Variants in VPS35L observed in about 807,000 individuals in gnomAD.
VPS35L encodes the protein VPS35 endosomal protein-sorting factor-like.
VPS35L carries 83 observed loss-of-function variants against 133.0 expected under a neutral mutation model. That is an observed-to-expected ratio of 0.62 (90% confidence interval 0.52 to 0.75). The LOEUF is 0.75. Ranked by LOEUF, VPS35L falls within the 30% of genes least tolerant of loss-of-function variation. The pLI, the probability that VPS35L is intolerant of heterozygous loss-of-function variation, is 0.00. For synonymous variants in VPS35L, 423 were observed against 449.9 expected (o/e 0.94, Z 0.76); for missense variants, 1,083 against 1,206.8 (o/e 0.90, Z 1.52).
At chr16:19,681,389 C>T (rs1040305246) in intron 27 of VPS35L, among the ~76,000 whole-genome samples, 19 of 151,952 alleles carry the variant, frequency 1.3e-4, no homozygotes, top group Admixed American at 9.8e-4. Flanking sequence ...CATGCTGTTC[C>T]CCCTGCCGCT....
intron 3 of VPS35L, among the ~76,000 whole-genome samples, chr16:19,570,631 C>T (rs1298658195): frequency 6.6e-6 from 1 of 151,508 alleles, no homozygotes. Context: ...ATAATTACAG[C>T]ATCAACTTAC....
chr16:19,580,985 T>C (rs1022651425), intron 6 of VPS35L, among the ~76,000 whole-genome samples: 7 of 152,204 alleles, frequency 4.6e-5, no homozygotes, highest in African/African-American at 1.7e-4. Context: ...AGATCCAGTA[T>C]ATGTGTCCCC....
intron 27 of VPS35L, among the ~76,000 whole-genome samples, chr16:19,679,149 G>C (rs929885747): frequency 7.0e-6 from 1 of 142,078 alleles, no homozygotes; most frequent in Non-Finnish European, 1.6e-5. Context: ...GGGCGGGGGT[G>C]GGGAGGCGGG....
rs113115577 is a variant in VPS35L, at chr16:19,596,912, G to A, written c.725-4752G>A. Among the ~76,000 whole-genome samples, 150 of 152,054 alleles carry A rather than the reference G, an allele frequency of 9.9e-4. 1 individual carries two copies. The highest frequency in any genetic ancestry group is 3.1e-3 in the African/African-American group (129 of 41,468). On this transcript the variant is annotated intron_variant, in intron 8 of 30. Coordinates refer to ENST00000417362, the MANE Select transcript of VPS35L (RefSeq NM_020314.7). ...TACGCGCCTGTAATCCCAGCTACTCGGGAGGCTTAGGTGGGGGAATTGCTT... is the reference window on the plus strand; with the variant it reads ...TACGCGCCTGTAATCCCAGCTACTCAGGAGGCTTAGGTGGGGGAATTGCTT...
At chr16:19,651,023 C>T (rs1053020882) in intron 25 of VPS35L, among the ~76,000 whole-genome samples, 22 of 151,830 alleles carry the variant, frequency 1.4e-4, no homozygotes, top group Admixed American at 9.9e-4. Context: ...GGATTACAGA[C>T]GCGTGCCACC....
chr16:19,645,790 G>A (rs567860126), intron 23 of VPS35L, among the ~76,000 whole-genome samples: 10 of 152,322 alleles, frequency 6.6e-5, no homozygotes, highest in Admixed American at 5.9e-4. Flanking sequence ...CAGGAGGGCC[G>A]AGAGTGGAAA....
intron 1 of VPS35L, among the ~76,000 whole-genome samples, chr16:19,558,361 A>T (rs918262178): frequency 3.9e-5 from 6 of 152,236 alleles, no homozygotes; most frequent in Admixed American, 3.9e-4. Flanking sequence ...TAGCCCCACA[A>T]GGGATAGCTG....
In VPS35L at chr16:19,616,766, C is replaced by T. The variant is rs35634311; in HGVS notation, c.1182C>T (p.Ala394=). 3.7e-3 allele frequency: 5,924 copies of T among 1,614,136 alleles called. 233 individuals are homozygous for T. The African/African-American group carries it at 0.072, about 19-fold the overall frequency. The change falls in exon 14 of 31, where the codon GCC becomes GCT. Residue 394 remains alanine, a synonymous_variant. Transcript: ENST00000417362. ...CTTACCTCCCCTTGTACCCGCCTGC[C>T]ATGGACTGGATCTTCCAGTGCATCT... The part of the protein sequence containing the change: ...LPSYLPLYPP[A]MDWIFQCISY...
chr16:19,599,695 G>A (rs565189575), intron 8 of VPS35L, among the ~76,000 whole-genome samples: 55 of 152,008 alleles, frequency 3.6e-4, no homozygotes, highest in Non-Finnish European at 5.4e-4. Context: ...TAGCTCTAAG[G>A]TGGGCACCAG....
At chr16:19,575,183 T>A in intron 5 of VPS35L, 61 bp downstream of exon 5, 1 of 1,520,190 alleles carries the variant, frequency 6.6e-7, no homozygotes, top group Non-Finnish European at 9.0e-7. Context: ...AGTATAATTT[T>A]ACAAAGGAAA....
At chr16:19,625,862 C>T (rs761232036) in intron 14 of VPS35L, among the ~76,000 whole-genome samples, 6 of 152,044 alleles carry the variant, frequency 3.9e-5, no homozygotes, top group Non-Finnish European at 5.9e-5. Context: ...TTAGTGGAGA[C>T]GGGGTTTTAC....
In VPS35L at chr16:19,676,982, C is replaced by T. The variant is rs75503951; in HGVS notation, c.2362-5243C>T. 3.8e-3 allele frequency among the ~76,000 whole-genome samples: 584 copies of T among 151,982 alleles called. 3 individuals are homozygous for T. The highest frequency in any genetic ancestry group is 7.5e-3 in the South Asian group (36 of 4,796). On this transcript the variant is annotated intron_variant, in intron 27 of 30. Coordinates refer to ENST00000417362, the MANE Select transcript of VPS35L (RefSeq NM_020314.7). The stretch of plus-strand genomic sequence containing the variant: ...CTTCCAGCTTCTCAGGAGGCTGAGG[C>T]GGAAGGATTGCTTGAGGCCAGGAGT...
chr16:19,576,921 GGT>G (rs1204409538), intron 5 of VPS35L, among the ~76,000 whole-genome samples: 1 of 152,002 alleles, frequency 6.6e-6, no homozygotes, highest in Non-Finnish European at 1.5e-5. Context: ...TGGCCAGGCT[GGT>G]CTCAAACTCT....
chr16:19,573,930 G>T (rs1411415913), intron 4 of VPS35L, among the ~76,000 whole-genome samples: 2 of 152,166 alleles, frequency 1.3e-5, no homozygotes, highest in African/African-American at 4.8e-5. Context: ...CCTGGAGCTG[G>T]AAATTTACTA....
intron 7 of VPS35L, among the ~76,000 whole-genome samples, chr16:19,590,155 C>CCCCCCCA (rs1972001433): frequency 1.1e-5 from 1 of 94,190 alleles, no homozygotes; most frequent in Non-Finnish European, 2.1e-5. Flanking sequence ...CCCCCCCCCC[C>CCCCCCCA]CACAAATAAC....
intron 26 of VPS35L, among the ~76,000 whole-genome samples, chr16:19,665,255 A>G (rs1275527259): frequency 6.6e-6 from 1 of 152,142 alleles, no homozygotes. Flanking sequence ...TTGTGCTATC[A>G]AATACTAGGT....
intron 26 of VPS35L, among the ~76,000 whole-genome samples, chr16:19,657,451 G>A (rs1221740044): frequency 2.0e-5 from 3 of 152,118 alleles, no homozygotes; most frequent in Non-Finnish European, 2.9e-5. Flanking sequence ...CAGAAAGTTA[G>A]GTCAGGTCAT....
At chr16:19,664,316 C>T (rs1187092834) in intron 26 of VPS35L, among the ~76,000 whole-genome samples, 1 of 151,928 alleles carries the variant, frequency 6.6e-6, no homozygotes, top group Non-Finnish European at 1.5e-5. Context: ...GTTTCTCTTA[C>T]TACGAATATG....
chr16:19,629,857 G>C (rs2151567365), intron 18 of VPS35L, 37 bp downstream of exon 18: 1 of 1,588,776 alleles, frequency 6.3e-7, no homozygotes, highest in East Asian at 2.2e-5. Flanking sequence ...GAAAGAATTA[G>C]ATTTTTTCAT....
Sources: gnomAD v4.1 joint callset for allele counts (sites outside exome capture counted in the v4.1 genomes callset) on GRCh38, gnomAD v4.1.1 for gene constraint, MANE v1.5 for transcripts, NCBI Gene and HGNC (gene_info 2026-07-23, HGNC 2026-07-21) for gene names.